The following SLC35F3 variants were observed in gnomAD, a reference collection of about 807,000 sequenced individuals.
SLC35F3 encodes the protein solute carrier family 35 member F3, also known as putative thiamine transporter SLC35F3.
A neutral mutation model predicts 49.9 loss-of-function variants in SLC35F3; 25 were observed. That is an observed-to-expected ratio of 0.50 (90% CI 0.37 to 0.70). The LOEUF (loss-of-function observed/expected upper bound fraction) is 0.70, where lower values mean the gene tolerates loss of function less well. Ranked by LOEUF, SLC35F3 falls within the 30% of genes least tolerant of loss-of-function variation. The pLI is 0.00. For missense variants in SLC35F3, 525 were observed against 639.8 expected (o/e 0.82, Z 1.94); for synonymous variants, 275 against 265.4 (o/e 1.04, Z -0.35).
intron 3 of SLC35F3, among the ~76,000 whole-genome samples, chr1:234,290,997 A>G (rs1055779119): frequency 9.2e-5 from 14 of 152,232 alleles, no homozygotes; most frequent in African/African-American, 3.1e-4. Context: ...TATGACCTTA[A>G]ACTTCAGATT....
At chr1:234,263,152 G>T (rs1420235599) in intron 3 of SLC35F3, among the ~76,000 whole-genome samples, 1 of 152,182 alleles carries the variant, frequency 6.6e-6, no homozygotes, top group Non-Finnish European at 1.5e-5. Flanking sequence ...ACCTGCAGGG[G>T]CCAAAACTGA....
At chr1:234,133,117 A>C (rs1285148240) in intron 2 of SLC35F3, among the ~76,000 whole-genome samples, 3 of 152,160 alleles carry the variant, frequency 2.0e-5, no homozygotes, top group African/African-American at 7.2e-5. Flanking sequence ...ACATAATATT[A>C]TCTCTCCTTC....
intron 2 of SLC35F3, among the ~76,000 whole-genome samples, chr1:234,074,152 A>G (rs1291727873): frequency 6.6e-6 from 1 of 152,074 alleles, no homozygotes; most frequent in Admixed American, 6.5e-5. Flanking sequence ...TACTCTTCAT[A>G]AGTTAAACAC....
chr1:234,045,649 AT>A, intron 2 of SLC35F3, among the ~76,000 whole-genome samples: 2 of 152,228 alleles, frequency 1.3e-5, no homozygotes, highest in Middle Eastern at 6.8e-3. Flanking sequence ...AACGTATTAT[AT>A]GCACAAGAAT....
intron 3 of SLC35F3, among the ~76,000 whole-genome samples, chr1:234,282,260 C>T (rs1308975233): frequency 2.6e-5 from 4 of 152,226 alleles, no homozygotes; most frequent in African/African-American, 4.8e-5. Flanking sequence ...CCAGCCAGGA[C>T]TAGAGTCTCC....
At chr1:234,005,448 A>T (rs1316670827) in intron 2 of SLC35F3, among the ~76,000 whole-genome samples, 1 of 152,084 alleles carries the variant, frequency 6.6e-6, no homozygotes, top group Admixed American at 6.5e-5. Context: ...CCTCCTGCAG[A>T]TCTAATTCTT....
chr1:233,948,416 A>G (rs1662551378), intron 2 of SLC35F3, among the ~76,000 whole-genome samples: 1 of 152,110 alleles, frequency 6.6e-6, no homozygotes, highest in Admixed American at 6.5e-5. Context: ...GTGGTTTGCA[A>G]TTGAGGTCAG....
chr1:234,228,510 G>C (rs1667320868), intron 2 of SLC35F3, among the ~76,000 whole-genome samples: 1 of 152,190 alleles, frequency 6.6e-6, no homozygotes, highest in African/African-American at 2.4e-5. Context: ...AAAGCTCTTG[G>C]CACAGGGCAC....
At chr1:233,933,048 A>AAC (rs1662270508) in intron 2 of SLC35F3, among the ~76,000 whole-genome samples, 1 of 151,480 alleles carries the variant, frequency 6.6e-6, no homozygotes, top group African/African-American at 2.4e-5. Flanking sequence ...AAAAAAAAAA[A>AAC]AAAAAACTAT....
chr1:233,940,367 CACAGAGAGAG>C lies in SLC35F3; in HGVS notation c.283+34611_283+34620del, dbSNP rs1482845821. On this transcript the variant is annotated intron_variant, in intron 2 of 7. Coordinates refer to ENST00000366618, the MANE Select transcript of SLC35F3 (RefSeq NM_173508.4). ...AGGGATACAGACACACACACACACA[CACAGAGAGAG>C]AGAGAGAGAGAGAGAGAGATAGGAA... is the stretch of plus-strand genomic sequence containing the variant. 2.0e-3 allele frequency among the ~76,000 whole-genome samples: 248 copies of C among 122,092 alleles called. 1 individual carries two copies. Among genetic ancestry groups the C allele is most frequent in the African/African-American group, 7.7e-3 (241 of 31,164 alleles). The allele number at this position is 122,092 out of a possible 152,430, so 80.1% of individuals were successfully genotyped here. A position where few individuals can be genotyped will look rare whatever the true frequency, so the allele number is the denominator to read the frequency against.
chr1:233,930,405 A>C (rs1213406601), intron 2 of SLC35F3, among the ~76,000 whole-genome samples: 1 of 152,192 alleles, frequency 6.6e-6, no homozygotes, highest in Admixed American at 6.5e-5. Context: ...GAGGTATTAT[A>C]ATTTCCCACC....
At chr1:233,993,924 G>C (rs1430453693) in intron 2 of SLC35F3, among the ~76,000 whole-genome samples, 1 of 152,182 alleles carries the variant, frequency 6.6e-6, no homozygotes, top group Non-Finnish European at 1.5e-5. Context: ...ATGAATCAGA[G>C]TGAGGTGTTT....
At chr1:233,919,577 C>A (rs1445771740) in intron 2 of SLC35F3, among the ~76,000 whole-genome samples, 3 of 152,172 alleles carry the variant, frequency 2.0e-5, no homozygotes, top group Non-Finnish European at 2.9e-5. Context: ...CAGGAGTGGG[C>A]AGGTAGCATA....
At chr1:234,250,028 A>G (rs1667710901) in intron 3 of SLC35F3, among the ~76,000 whole-genome samples, 1 of 152,248 alleles carries the variant, frequency 6.6e-6, no homozygotes, top group Admixed American at 6.5e-5. Flanking sequence ...CAAACTAGGA[A>G]AAAAGCTAGA....
At chr1:234,242,793 T>C (rs1356378115) in intron 3 of SLC35F3, among the ~76,000 whole-genome samples, 1 of 152,202 alleles carries the variant, frequency 6.6e-6, no homozygotes, top group African/African-American at 2.4e-5. Flanking sequence ...AATGAGTTAC[T>C]CTCAATCATA....
intron 2 of SLC35F3, among the ~76,000 whole-genome samples, chr1:234,141,300 C>T (rs545484377): frequency 1.8e-4 from 27 of 152,312 alleles, no homozygotes; most frequent in African/African-American, 5.8e-4. Context: ...GGCTCCAGCT[C>T]TACATGGTGC....
Position 234,231,437 on chromosome 1 carries a change from T to G in SLC35F3, c.304T>G (p.Ser102Ala). The change falls in exon 3 of 8, where the codon TCC (serine) becomes GCC (alanine). Residue 102 changes from serine (S) to alanine (A), a missense_variant. Physicochemically the swap from Ser to Ala is moderately conservative, Grantham distance 99. This residue lies in a region of SLC35F3 where 228 missense variants were observed against 218.9 expected (regional missense o/e 1.04). Coordinates refer to ENST00000366618, the MANE Select transcript of SLC35F3 (RefSeq NM_173508.4). This position sits in a 1 kb window ranked among gnomAD's most constrained non-coding sequence, Gnocchi z 5.4. ...SCKREERPRD[S>A]PGPAEAQAPA... Reference sequence around the variant, plus strand: ...CCCAGGGGAGGAGCGCCCCCGGGACTCCCCGGGCCCGGCGGAGGCCCAGGC... The same window carrying G: ...CCCAGGGGAGGAGCGCCCCCGGGACGCCCCGGGCCCGGCGGAGGCCCAGGC... The G allele has an allele frequency of 6.3e-7, 1 of 1,587,114 alleles. No individual in the cohort carries two copies. Among genetic ancestry groups the G allele is most frequent in the Non-Finnish European group, 8.6e-7 (1 of 1,168,164 alleles).
intron 3 of SLC35F3, among the ~76,000 whole-genome samples, chr1:234,266,268 G>T (rs1209832005): frequency 6.6e-6 from 1 of 152,004 alleles, no homozygotes; most frequent in Non-Finnish European, 1.5e-5. Flanking sequence ...TAGAAAATGG[G>T]CAAAAGATTT....
chr1:233,969,334 A>G (rs554891575), intron 2 of SLC35F3, among the ~76,000 whole-genome samples: 17 of 152,242 alleles, frequency 1.1e-4, no homozygotes, highest in African/African-American at 3.9e-4. Context: ...CATGATGGGC[A>G]CTGTCGGTGG....
Sources: gnomAD v4.1 joint callset for allele counts (sites outside exome capture counted in the v4.1 genomes callset) on GRCh38, gnomAD v4.1.1 for gene constraint, gnomAD v4.1.1 regional missense constraint, Gnocchi (gnomAD v3.1) non-coding constraint, MANE v1.5 for transcripts, NCBI Gene and HGNC (gene_info 2026-07-23, HGNC 2026-07-21) for gene names.